The following NIN variants were observed in gnomAD, a reference collection of about 807,000 sequenced individuals.
NIN encodes the protein ninein.
A neutral mutation model predicts 257.6 loss-of-function variants in NIN; 137 were observed. That is an observed-to-expected ratio of 0.53 (90% CI 0.46 to 0.61). The LOEUF (loss-of-function observed/expected upper bound fraction) is 0.61. Among genes scored for constraint, NIN ranks in the 20% least tolerant of loss-of-function variants. NIN has a pLI of 0.00. For missense variants in NIN, 2,439 were observed against 2,501.2 expected (o/e 0.98, Z 0.53); for synonymous variants, 918 against 919.8 (o/e 1.00, Z 0.04).
chr14:50,763,268 A>G (rs1003517888), intron 15 of NIN, among the ~76,000 whole-genome samples: 10 of 152,034 alleles, frequency 6.6e-5, no homozygotes, highest in Non-Finnish European at 1.0e-4. Context: ...TAGTTAATGC[A>G]GGAGGCTCCC....
intron 4 of NIN, among the ~76,000 whole-genome samples, chr14:50,803,637 C>G (rs757654056): frequency 6.6e-6 from 1 of 152,228 alleles, no homozygotes; most frequent in African/African-American, 2.4e-5. Context: ...TCCTCTGCCA[C>G]TAGCTGTAAG....
rs748299526 is a variant in NIN at position 50,752,607 on chromosome 14, T to C, written c.4861A>G (p.Lys1621Glu). ...GCACTGTTTCCTGGCTCTTTTTCCTTCTGGCATAGCATTTCTGTTAGACGT... is the reference window on the plus strand; with the variant it reads ...GCACTGTTTCCTGGCTCTTTTTCCTCCTGGCATAGCATTTCTGTTAGACGT... ...NQRLTEMLCQKEKEPGNSALE... is the reference protein window; with the variant it reads ...NQRLTEMLCQEEKEPGNSALE... Residue 1621 changes from lysine (K) to glutamate (E), a missense_variant, in exon 21 of 31, where the codon AAG becomes GAG. Physicochemically the swap from Lys to Glu is moderately conservative, Grantham distance 56 (BLOSUM62 1). Around this residue, in one of 3 missense-constraint regions of NIN, gnomAD observed 2,043 missense variants for 2,050.2 expected, o/e 1.00. Transcript: ENST00000530997. 6.2e-7 allele frequency: 1 copy of C among 1,614,118 alleles called. No individual in the cohort carries two copies. The highest frequency in any genetic ancestry group is 1.1e-5 in the South Asian group (1 of 91,078).
rs758270189 is a variant in NIN at position 50,759,934 on chromosome 14, C to T, written c.2322G>A (p.Val774=). Reference sequence around the variant, plus strand: ...CCTCTTTCTCAAGAGTGTGTTTCTCCACCAGGCTTGTCAGCTGCTCCTGGT... The same window carrying T: ...CCTCTTTCTCAAGAGTGTGTTTCTCTACCAGGCTTGTCAGCTGCTCCTGGT... The part of the protein sequence containing the change: ...QFHQEQLTSL[V]EKHTLEKEEL... Residue 774 remains valine, a synonymous_variant, in exon 17 of 31, where the codon GTG becomes GTA. Coordinates refer to ENST00000530997, the MANE Select transcript of NIN (RefSeq NM_020921.4). 2 of 1,614,162 alleles carry T rather than the reference C, an allele frequency of 1.2e-6. No homozygotes were observed. The highest frequency in any genetic ancestry group is 1.7e-6 in the Non-Finnish European group (2 of 1,180,036).
At chr14:50,793,811 T>G (rs1465108635) in intron 4 of NIN, among the ~76,000 whole-genome samples, 1 of 152,152 alleles carries the variant, frequency 6.6e-6, no homozygotes, top group Non-Finnish European at 1.5e-5. Flanking sequence ...AAATAAATAC[T>G]TCACTCTATT....
chr14:50,806,859 C>T, intron 3 of NIN, 41 bp from the exon 4 acceptor site: 1 of 1,009,168 alleles, frequency 9.9e-7, no homozygotes, highest in Non-Finnish European at 1.5e-6. Context: ...ATTTCCACAG[C>T]TCTAAGAATG....
At chr14:50,802,081 G>A (rs1325761710) in intron 4 of NIN, among the ~76,000 whole-genome samples, 2 of 152,082 alleles carry the variant, frequency 1.3e-5, no homozygotes, top group East Asian at 1.9e-4. Flanking sequence ...CCAAAGCCAC[G>A]GCAAATTGAA....
chr14:50,756,332 T>C (rs1299912336), intron 18 of NIN, among the ~76,000 whole-genome samples, 160 bp downstream of exon 18: 1 of 152,196 alleles, frequency 6.6e-6, no homozygotes, highest in African/African-American at 2.4e-5. Flanking sequence ...CAAGGTTATT[T>C]TATTTGTTAA....
chr14:50,783,364 C>T (rs893382943), intron 5 of NIN, among the ~76,000 whole-genome samples: 2 of 152,074 alleles, frequency 1.3e-5, no homozygotes, highest in Non-Finnish European at 2.9e-5. Flanking sequence ...CCAGTTTAAA[C>T]ATGTTTTAAA....
At chr14:50,728,983 G>A (rs2040552427) in intron 29 of NIN, among the ~76,000 whole-genome samples, 1 of 152,230 alleles carries the variant, frequency 6.6e-6, no homozygotes, top group African/African-American at 2.4e-5. Context: ...TCTGGCACAG[G>A]AAAGCTCAGT....
At chr14:50,790,644 G>A (rs1357260699) in intron 5 of NIN, among the ~76,000 whole-genome samples, 1 of 152,194 alleles carries the variant, frequency 6.6e-6, no homozygotes, top group African/African-American at 2.4e-5. Context: ...TGCTGATGGA[G>A]GGTGGTGAAT....
rs75382612 is a variant in NIN at position 50,733,670 on chromosome 14, C to A, written c.5877+1846G>T. On this transcript the variant is annotated intron_variant, in intron 28 of 30. Coordinates refer to ENST00000530997, the MANE Select transcript of NIN (RefSeq NM_020921.4). Reference sequence around the variant, plus strand: ...TCTCTTGGCAGAGCCTCTGGAAAGGCTCTCACAGTGACTAAGTACACACTG... The same window carrying A: ...TCTCTTGGCAGAGCCTCTGGAAAGGATCTCACAGTGACTAAGTACACACTG... 7.5e-3 allele frequency among the ~76,000 whole-genome samples: 1,135 copies of A among 152,274 alleles called. 12 individuals carry two copies. Among genetic ancestry groups the A allele is most frequent in the Non-Finnish European group, 0.014 (919 of 68,030 alleles).
Position 50,763,874 on chromosome 14 carries a change from G to A in NIN, c.1726C>T (p.Pro576Ser). The change falls in exon 15 of 31, where the codon CCG (proline) becomes TCG (serine). Residue 576 changes from proline (P) to serine (S), a missense_variant. Pro to Ser is a moderately conservative substitution (Grantham distance 74, BLOSUM62 -1). This residue lies in a region of NIN where 2,043 missense variants were observed against 2,050.2 expected (regional missense o/e 1.00). Coordinates refer to ENST00000530997, the MANE Select transcript of NIN (RefSeq NM_020921.4). ...RVLRLPLKNS[P>S]SEEVEANSGG... ...CTGTTAGCCTCAACTTCTTCTGACG[G>A]TGAGTTCTTCAACGGAAGCCTGAGC... 1 of 1,613,756 alleles carries A rather than the reference G, an allele frequency of 6.2e-7. No homozygotes were observed. The highest frequency in any genetic ancestry group is 1.1e-5 in the South Asian group (1 of 91,082).
At chr14:50,829,704 G>A (rs993145802) in intron 2 of NIN, among the ~76,000 whole-genome samples, 4 of 152,218 alleles carry the variant, frequency 2.6e-5, no homozygotes, top group Non-Finnish European at 5.9e-5. Flanking sequence ...CATGATATAT[G>A]GTAGGGCAGT....
At chr14:50,725,585 G>A (rs1401420502) in intron 30 of NIN, among the ~76,000 whole-genome samples, 3 of 151,738 alleles carry the variant, frequency 2.0e-5, no homozygotes, top group African/African-American at 7.3e-5. Context: ...TCCTGTCTTG[G>A]GCAGAGAAAA....
chr14:50,752,430 CTTTATG>C lies in NIN; in HGVS notation c.4950+82_4950+87del. On this transcript the variant is annotated intron_variant, in intron 21 of 30. Coordinates refer to ENST00000530997, the MANE Select transcript of NIN (RefSeq NM_020921.4). The stretch of plus-strand genomic sequence containing the variant: ...GACCATACTGTTTTAATTACTAAGG[CTTTATG>C]TTTAAGGAAGTTTAATACAAACATT... 6 of 984,550 alleles carry C rather than the reference CTTTATG, an allele frequency of 6.1e-6. No individual in the cohort carries two copies. In the East Asian group the frequency reaches 1.4e-4, roughly 24 times the overall value. The allele number at this position is 984,550 out of a possible 1,614,324, so 61.0% of individuals were successfully genotyped here. A position where few individuals can be genotyped will look rare whatever the true frequency, so the allele number is the denominator to read the frequency against.
chr14:50,740,722 T>A (rs1210121317), intron 25 of NIN, among the ~76,000 whole-genome samples: 1 of 152,220 alleles, frequency 6.6e-6, no homozygotes, highest in African/African-American at 2.4e-5. Context: ...CTTCAAGTGG[T>A]CTGCCTGCCT....
At chr14:50,767,687 G>GGC (rs769338942) in intron 12 of NIN, among the ~76,000 whole-genome samples, 28 of 151,840 alleles carry the variant, frequency 1.8e-4, no homozygotes, top group Non-Finnish European at 3.4e-4. Flanking sequence ...TGTGGTGGCG[G>GGC]GCGCCTGTAG....
intron 21 of NIN, among the ~76,000 whole-genome samples, chr14:50,748,683 C>G (rs1261758769): frequency 2.0e-5 from 3 of 152,094 alleles, no homozygotes; most frequent in African/African-American, 7.2e-5. Context: ...CAATGATAGC[C>G]AAATCATGAG....
chr14:50,733,274 G>T (rs541448423), intron 28 of NIN, among the ~76,000 whole-genome samples: 2 of 152,180 alleles, frequency 1.3e-5, no homozygotes, highest in East Asian at 1.9e-4. Flanking sequence ...TGTATTTTTA[G>T]TAGAGATGAG....
Sources: allele counts gnomAD v4.1 joint callset (sites outside exome capture counted in the v4.1 genomes callset), GRCh38; gene constraint gnomAD v4.1.1; regional missense constraint gnomAD v4.1.1; transcripts MANE v1.5; gene names NCBI Gene and HGNC (gene_info 2026-07-23, HGNC 2026-07-21).